The following SUZ12 variants were observed in gnomAD, a reference collection of about 807,000 sequenced individuals.
SUZ12 encodes the protein polycomb protein SUZ12.
SUZ12 carries 17 observed loss-of-function variants against 87.3 expected under a neutral mutation model. The observed-to-expected ratio is 0.19, with a 90% CI of 0.13 to 0.29. The LOEUF is 0.29. Ranked by LOEUF, SUZ12 falls within the 10% of genes least tolerant of loss-of-function variation. SUZ12 has a pLI of 1.00. For synonymous variants in SUZ12, 253 were observed against 312.4 expected (o/e 0.81, Z 2.01); for missense variants, 526 against 912.2 (o/e 0.58, Z 5.45).
chr17:31,940,154 T>C lies in SUZ12; in HGVS notation c.275-132T>C, dbSNP rs1035889514. On this transcript the variant is annotated intron_variant, in intron 1 of 15. Coordinates refer to ENST00000322652, the MANE Select transcript of SUZ12 (RefSeq NM_015355.4). ...GTGCATACTTTCTTGATGTAAATAT[T>C]TAGTGCGATATAAATAGTGCGTGAT... 5.3e-6 allele frequency: 7 copies of C among 1,321,200 alleles called. No homozygotes were observed. The African/African-American group carries it at 9.3e-5, about 17-fold the overall frequency. 81.8% of individuals were successfully genotyped at this position (1,321,200 alleles called of 1,614,324 possible). A position where few individuals can be genotyped will look rare whatever the true frequency, so the allele number is the denominator to read the frequency against.
intron 3 of SUZ12, among the ~76,000 whole-genome samples, chr17:31,946,514 A>G (rs1468899432): frequency 1.3e-5 from 2 of 152,198 alleles, no homozygotes; most frequent in East Asian, 1.9e-4. Flanking sequence ...CCTGGGCAAC[A>G]AGAGTGACAC....
At chr17:31,996,197 G>A (rs2142218399) in intron 14 of SUZ12, among the ~76,000 whole-genome samples, 1 of 152,268 alleles carries the variant, frequency 6.6e-6, no homozygotes, top group Non-Finnish European at 1.5e-5. Flanking sequence ...GTGACAGAGG[G>A]AGACCCTGTA....
At chr17:31,970,738 G>A (rs1908377206) in intron 5 of SUZ12, among the ~76,000 whole-genome samples, 1 of 151,832 alleles carries the variant, frequency 6.6e-6, no homozygotes, top group Non-Finnish European at 1.5e-5. Flanking sequence ...GGAGGCGGAG[G>A]TTGCAGTGAG....
chr17:31,955,484 C>G (rs766216342), intron 4 of SUZ12, among the ~76,000 whole-genome samples: 1 of 152,152 alleles, frequency 6.6e-6, no homozygotes, highest in East Asian at 1.9e-4. Flanking sequence ...CACGGTGACT[C>G]ATGCCTGTAG....
intron 3 of SUZ12, among the ~76,000 whole-genome samples, chr17:31,945,609 T>C (rs554859791): frequency 2.8e-4 from 43 of 152,320 alleles, no homozygotes; most frequent in Admixed American, 7.2e-4. Flanking sequence ...TACAGTAACA[T>C]TACCTTTCTA....
chr17:31,994,862 T>A, intron 13 of SUZ12, 141 bp downstream of exon 13: 1 of 816,290 alleles, frequency 1.2e-6, no homozygotes, highest in Non-Finnish European at 1.8e-6. Context: ...GGTTGTTAAC[T>A]ACTTTATAAC....
intron 9 of SUZ12, among the ~76,000 whole-genome samples, chr17:31,984,089 A>G (rs546024535): frequency 1.3e-5 from 2 of 152,304 alleles, no homozygotes; most frequent in African/African-American, 4.8e-5. Context: ...TTAGAAAAAT[A>G]TTTTGAGAAT....
chr17:31,964,144 T>A (rs377314736), intron 4 of SUZ12, among the ~76,000 whole-genome samples: 10,432 of 147,428 alleles, frequency 0.071, no homozygotes, highest in African/African-American at 0.23. Flanking sequence ...CTCCTGCCTC[T>A]GCCTCCCGAG....
In SUZ12 at chr17:31,999,232, T is replaced by C. The variant is rs944945256; in HGVS notation, c.*229T>C. 1 of 337,242 alleles carries C rather than the reference T, an allele frequency of 3.0e-6. No homozygotes were observed. The highest frequency in any genetic ancestry group is 5.3e-6 in the Non-Finnish European group (1 of 187,436). 20.9% of individuals were successfully genotyped at this position (337,242 alleles called of 1,614,324 possible). On this transcript the variant is annotated 3_prime_UTR_variant, in exon 16 of 16. Coordinates refer to ENST00000322652, the MANE Select transcript of SUZ12 (RefSeq NM_015355.4). ...ATTAAAACATTCTGTACTTTAAGCA[T>C]GAAAAGCAATATTTCAAAGTATTTT...
intron 4 of SUZ12, among the ~76,000 whole-genome samples, chr17:31,952,008 C>G (rs1907014052): frequency 6.6e-6 from 1 of 152,054 alleles, no homozygotes; most frequent in South Asian, 2.1e-4. Context: ...CTCCTGACCT[C>G]AAGTGATCCT....
At chr17:31,995,861 TTAA>T (rs80312583) in intron 14 of SUZ12, 99 bp downstream of exon 14, 1 of 857,004 alleles carries the variant, frequency 1.2e-6, no homozygotes, top group East Asian at 2.7e-5. Context: ...GGAACTTTTT[TTAA>T]AAAAAAAAAA....
chr17:31,967,574 T>TA (rs1386097297), intron 5 of SUZ12: 14 of 150,602 alleles, frequency 9.3e-5, no homozygotes, highest in East Asian at 3.9e-4. Context: ...AGACTCTGTC[T>TA]AAAAAAAAAG....
In SUZ12 at chr17:31,996,962, T is replaced by G. The variant is rs534009054; in HGVS notation, c.1874+85T>G. 241 of 842,760 alleles carry G rather than the reference T, an allele frequency of 2.9e-4. 2 individuals are homozygous for G. In the South Asian group the frequency reaches 8.1e-3, roughly 28 times the overall value. 52.2% of individuals were successfully genotyped at this position (842,760 alleles called of 1,614,324 possible). A position where few individuals can be genotyped will look rare whatever the true frequency, so the allele number is the denominator to read the frequency against. Reference sequence around the variant, plus strand: ...CACATTCTAGAAATCTTACGTGTGTTAGAATCTTATTTAAAATTCCATTAA... The same window carrying G: ...CACATTCTAGAAATCTTACGTGTGTGAGAATCTTATTTAAAATTCCATTAA... On this transcript the variant is annotated intron_variant, in intron 15 of 15. Transcript: ENST00000322652.
At chr17:31,951,318 G>A (rs550691859) in intron 4 of SUZ12, among the ~76,000 whole-genome samples, 131 of 152,260 alleles carry the variant, frequency 8.6e-4, no homozygotes, top group African/African-American at 3.1e-3. Flanking sequence ...GACATTTGTA[G>A]TAATTTATAA....
At chr17:31,998,475 T>G (rs1490455207) in intron 15 of SUZ12, among the ~76,000 whole-genome samples, 183 bp from the exon 16 acceptor site, 1 of 152,126 alleles carries the variant, frequency 6.6e-6, no homozygotes, top group Non-Finnish European at 1.5e-5. Flanking sequence ...TTAAATCTCT[T>G]GAAATTTTTA....
chr17:31,949,550 T>TGAGGCAA (rs1906821275), intron 4 of SUZ12, among the ~76,000 whole-genome samples: 1 of 150,442 alleles, frequency 6.6e-6, no homozygotes, highest in South Asian at 2.1e-4. Flanking sequence ...GATGGAGTCA[T>TGAGGCAA]GCAGTGGTGC....
Position 31,975,496 on chromosome 17 carries a change from A to C in SUZ12, c.606A>C (p.Pro202=), listed in dbSNP as rs1176057897. ...CHKKRKDVSC[P]IRQVPTGKKQ... is the part of the protein sequence containing the mutation. ...TACCTTTGCAGGATGTAAGTTGTCCAATAAGGCAAGTTCCCACAGGTAAAA... is the reference window on the plus strand; with the variant it reads ...TACCTTTGCAGGATGTAAGTTGTCCCATAAGGCAAGTTCCCACAGGTAAAA... The change falls in exon 7 of 16, where the codon CCA becomes CCC. Residue 202 remains proline, a synonymous_variant. Transcript: ENST00000322652. 3.7e-6 allele frequency: 6 copies of C among 1,613,066 alleles called. No homozygotes were observed. The highest frequency in any genetic ancestry group is 5.1e-6 in the Non-Finnish European group (6 of 1,179,478).
chr17:31,979,087 A>G (rs1396862989), intron 8 of SUZ12, among the ~76,000 whole-genome samples: 5 of 137,126 alleles, frequency 3.6e-5, no homozygotes, highest in Non-Finnish European at 7.6e-5. Flanking sequence ...GCCTGGTGAC[A>G]GCGAGACTGT....
Position 31,993,313 on chromosome 17 carries a change from A to G in SUZ12, c.1273A>G (p.Lys425Glu). ...GGATACTCCAAATGAAAACCGACAA[A>G]AATTAAGAATATTTTATCAGGTAAA... ...EKDTPNENRQ[K>E]LRIFYQFLYN... Residue 425 changes from lysine to glutamate, a missense_variant, in exon 11 of 16, where the codon AAA (lysine) becomes GAA (glutamate). Physicochemically the swap from Lys to Glu is moderately conservative, Grantham distance 56. Around this residue, in one of 9 missense-constraint regions of SUZ12, gnomAD observed 85 missense variants for 87.4 expected, o/e 0.97. Transcript: ENST00000322652. The G allele has an allele frequency of 6.3e-7, 1 of 1,577,394 alleles. No individual in the cohort carries two copies. Among genetic ancestry groups the G allele is most frequent in the South Asian group, 1.2e-5 (1 of 84,872 alleles).
Sources: gnomAD v4.1 joint callset for allele counts (sites outside exome capture counted in the v4.1 genomes callset) on GRCh38, gnomAD v4.1.1 for gene constraint, gnomAD v4.1.1 regional missense constraint, MANE v1.5 for transcripts, NCBI Gene and HGNC (gene_info 2026-07-23, HGNC 2026-07-21) for gene names.